Variants in ZNF385D observed in about 807,000 individuals in gnomAD.
ZNF385D encodes the protein zinc finger protein 385D.
Under a neutral mutation model 35.8 loss-of-function variants are expected in ZNF385D, and 15 were observed. The ratio of observed to expected loss-of-function variants is 0.42; its 90% CI spans 0.28 to 0.64. The LOEUF (loss-of-function observed/expected upper bound fraction) is 0.64, where lower values mean the gene tolerates loss of function less well. Among genes scored for constraint, ZNF385D ranks in the 30% least tolerant of loss-of-function variants. The probability of loss-of-function intolerance (pLI) is 0.23; values close to 1 mark genes in which losing one functional copy is unlikely to be tolerated. For missense variants in ZNF385D, 474 were observed against 494.6 expected (o/e 0.96, Z 0.39); for synonymous variants, 212 against 186.8 (o/e 1.13, Z -1.10).
At chr3:21,945,451 G>C (rs1172895743) in intron 3 of ZNF385D, among the ~76,000 whole-genome samples, 2 of 152,104 alleles carry the variant, frequency 1.3e-5, no homozygotes, top group Non-Finnish European at 2.9e-5. Flanking sequence ...CTACTCACTA[G>C]CTGTGAAAAC....
chr3:22,043,882 A>T (rs1698824140), intron 3 of ZNF385D, among the ~76,000 whole-genome samples: 1 of 152,086 alleles, frequency 6.6e-6, no homozygotes, highest in Admixed American at 6.6e-5. Context: ...CCCTAAGAAG[A>T]TGATCATGTA....
At chr3:22,250,417 A>G (rs1335314103) in intron 2 of ZNF385D, among the ~76,000 whole-genome samples, 1 of 152,080 alleles carries the variant, frequency 6.6e-6, no homozygotes, top group Non-Finnish European at 1.5e-5. Context: ...GCAGGTTGAT[A>G]AGCAGAAGAA....
chr3:22,215,569 G>A (rs917257146), intron 2 of ZNF385D, among the ~76,000 whole-genome samples: 1 of 151,910 alleles, frequency 6.6e-6, no homozygotes, highest in Non-Finnish European at 1.5e-5. Context: ...AGTCAGACTG[G>A]TTGTCTGCTC....
At chr3:21,485,218 C>T (rs1704942433) in intron 4 of ZNF385D, among the ~76,000 whole-genome samples, 1 of 152,130 alleles carries the variant, frequency 6.6e-6, no homozygotes, top group South Asian at 2.1e-4. Flanking sequence ...GTTTCTGAGC[C>T]ACAGTGTTAC....
chr3:21,734,078 T>TTA (rs2069134697), intron 1 of ZNF385D, among the ~76,000 whole-genome samples: 5 of 152,190 alleles, frequency 3.3e-5, no homozygotes, highest in Admixed American at 2.6e-4. Context: ...TTCAGATAAA[T>TTA]TATAGTATCA....
At chr3:22,064,774 C>G (rs1699846745) in intron 3 of ZNF385D, among the ~76,000 whole-genome samples, 1 of 152,080 alleles carries the variant, frequency 6.6e-6, no homozygotes, top group African/African-American at 2.4e-5. Flanking sequence ...CTGCCAGAGT[C>G]TTGGGCAGAG....
chr3:21,678,278 T>A (rs1219969876), intron 1 of ZNF385D, among the ~76,000 whole-genome samples: 1 of 152,090 alleles, frequency 6.6e-6, no homozygotes, highest in Non-Finnish European at 1.5e-5. Context: ...GTTATGAAGA[T>A]AACTGGAGAC....
At chr3:21,503,321 A>T (rs961452883) in intron 4 of ZNF385D, among the ~76,000 whole-genome samples, 5 of 152,192 alleles carry the variant, frequency 3.3e-5, no homozygotes, top group African/African-American at 1.2e-4. Flanking sequence ...TTCTGAAATC[A>T]AGCCCAGCTT....
intron 2 of ZNF385D, among the ~76,000 whole-genome samples, chr3:22,180,053 GAAGAA>G (rs761260148): frequency 1.3e-5 from 2 of 152,128 alleles, no homozygotes; most frequent in South Asian, 2.1e-4. Context: ...GACTAATAAA[GAAGAA>G]AAGAGAGAAT....
At chr3:21,751,393 G>GACCA, upstream of ZNF385D, 1 of 1,009,044 alleles carries the variant, frequency 9.9e-7, no homozygotes, top group South Asian at 4.1e-5. Context: ...CGAGAAGAGT[G>GACCA]TCGGGATCCA....
chr3:22,047,947 T>C (rs1699104996), intron 3 of ZNF385D, among the ~76,000 whole-genome samples: 1 of 152,196 alleles, frequency 6.6e-6, no homozygotes, highest in African/African-American at 2.4e-5. Context: ...TTCTAACAGA[T>C]ATGAGGTAAT....
intron 1 of ZNF385D, among the ~76,000 whole-genome samples, chr3:21,719,112 C>A (rs1225435962): frequency 2.0e-5 from 3 of 152,114 alleles, no homozygotes; most frequent in African/African-American, 7.2e-5. Flanking sequence ...ACTGATAAAG[C>A]CCAGGCAAAG....
At chr3:21,689,033 C>T (rs1399760239) in intron 1 of ZNF385D, among the ~76,000 whole-genome samples, 2 of 143,186 alleles carry the variant, frequency 1.4e-5, no homozygotes, top group Non-Finnish European at 3.0e-5. Context: ...ACAAATCTTA[C>T]ATAATTCTTA....
chr3:21,667,752 G>C (rs1329090915), intron 1 of ZNF385D, among the ~76,000 whole-genome samples: 2 of 152,128 alleles, frequency 1.3e-5, no homozygotes, highest in African/African-American at 4.8e-5. Flanking sequence ...AGCTCAAGCT[G>C]ATTTTTTATC....
At chr3:21,504,571 A>G (rs1706631041) in intron 4 of ZNF385D, among the ~76,000 whole-genome samples, 2 of 152,198 alleles carry the variant, frequency 1.3e-5, no homozygotes, top group Admixed American at 1.3e-4. Context: ...CTCAAGAGGC[A>G]TGCCCTCTAG....
chr3:22,060,359 A>T (rs541026605), intron 3 of ZNF385D, among the ~76,000 whole-genome samples: 1 of 152,314 alleles, frequency 6.6e-6, no homozygotes, highest in South Asian at 2.1e-4. Flanking sequence ...TTGTTGAAAA[A>T]TTAATGTTTA....
At chr3:22,050,518 TG>T (rs1376826312) in intron 3 of ZNF385D, among the ~76,000 whole-genome samples, 6 of 152,224 alleles carry the variant, frequency 3.9e-5, no homozygotes. Flanking sequence ...TTAATTTGGT[TG>T]TTCTTTATTG....
At chr3:22,256,156 C>T (rs576768705) in intron 2 of ZNF385D, among the ~76,000 whole-genome samples, 6 of 151,206 alleles carry the variant, frequency 4.0e-5, no homozygotes, top group African/African-American at 1.2e-4. Flanking sequence ...TCTCCTTGTT[C>T]GTCAGCATAT....
At chr3:21,848,654 T>C (rs1696173432) in intron 3 of ZNF385D, among the ~76,000 whole-genome samples, 1 of 151,980 alleles carries the variant, frequency 6.6e-6, no homozygotes, top group South Asian at 2.1e-4. Flanking sequence ...AACAAATTCC[T>C]AGGAACTTAC....
Sources: allele counts gnomAD v4.1 joint callset (sites outside exome capture counted in the v4.1 genomes callset), GRCh38; gene constraint gnomAD v4.1.1; transcripts MANE v1.5; gene names NCBI Gene and HGNC (gene_info 2026-07-23, HGNC 2026-07-21).